The following ATP2C2 variants were observed in gnomAD, a reference collection of about 807,000 sequenced individuals.
ATP2C2 encodes calcium-transporting ATPase type 2C member 2.
In ATP2C2, 171 loss-of-function variants were observed where a neutral mutation model predicts 110.8. The observed-to-expected ratio is 1.54, with a 90% confidence interval of 1.36 to 1.75. ATP2C2 has a LOEUF of 1.75. ATP2C2 is among the 40% of genes most tolerant of loss of function. The pLI, the probability that ATP2C2 is intolerant of heterozygous loss-of-function variation, is 0.00. For missense variants in ATP2C2, 1,963 were observed against 1,235.0 expected (o/e 1.59, Z -8.84); for synonymous variants, 804 against 508.4 (o/e 1.58, Z -7.82).
At chr16:84,385,053 A>T (rs1904301616) in intron 1 of ATP2C2, among the ~76,000 whole-genome samples, 1 of 152,186 alleles carries the variant, frequency 6.6e-6, no homozygotes, top group Non-Finnish European at 1.5e-5. Context: ...TGTCTCAAAA[A>T]ACACACACAT....
intron 4 of ATP2C2, 72 bp from the exon 5 acceptor site, chr16:84,410,496 C>T (rs1405321947): frequency 4.0e-6 from 6 of 1,514,414 alleles, no homozygotes; most frequent in Non-Finnish European, 5.5e-6. Context: ...AGACAAGCCC[C>T]TAGCCTGCCA....
At chr16:84,374,904 A>G (rs1288779801) in intron 1 of ATP2C2, among the ~76,000 whole-genome samples, 1 of 152,200 alleles carries the variant, frequency 6.6e-6, no homozygotes, top group Non-Finnish European at 1.5e-5. Flanking sequence ...GAGAAAGGGA[A>G]TTAGCAGAAA....
intron 2 of ATP2C2, among the ~76,000 whole-genome samples, chr16:84,401,556 T>C (rs1379310553): frequency 6.6e-6 from 1 of 152,160 alleles, no homozygotes; most frequent in Non-Finnish European, 1.5e-5. Context: ...ATGGAGATTT[T>C]GTTTTCCTGG....
chr16:84,441,761 A>C (rs1284927719), intron 14 of ATP2C2, among the ~76,000 whole-genome samples: 3 of 152,190 alleles, frequency 2.0e-5, no homozygotes, highest in Non-Finnish European at 2.9e-5. Flanking sequence ...TCTCTACTAA[A>C]AAATATAAAA....
intron 1 of ATP2C2, among the ~76,000 whole-genome samples, chr16:84,371,823 C>G (rs983520132): frequency 1.3e-5 from 2 of 152,174 alleles, no homozygotes; most frequent in East Asian, 1.9e-4. Context: ...CCTAGATTCA[C>G]GGAGGGGGCT....
At chr16:84,458,690 G>C (rs1418157258) in intron 21 of ATP2C2, among the ~76,000 whole-genome samples, 3 of 152,214 alleles carry the variant, frequency 2.0e-5, no homozygotes, top group Non-Finnish European at 4.4e-5. Context: ...ATGTCCTTCA[G>C]CCTCCCCATC....
chr16:84,383,651 G>A (rs894931937), intron 1 of ATP2C2, among the ~76,000 whole-genome samples: 3 of 152,040 alleles, frequency 2.0e-5, no homozygotes, highest in Admixed American at 2.0e-4. Context: ...AGTACATTTC[G>A]ACACTGGCTG....
At chr16:84,460,944 G>A in intron 24 of ATP2C2, 143 bp downstream of exon 24, 1 of 1,224,118 alleles carries the variant, frequency 8.2e-7, no homozygotes, top group Non-Finnish European at 1.1e-6. Context: ...GCCATCAGAG[G>A]CGTGGGGTGC....
At chr16:84,370,158 C>G (rs527587160) in intron 1 of ATP2C2, among the ~76,000 whole-genome samples, 4 of 150,716 alleles carry the variant, frequency 2.7e-5, no homozygotes, top group Non-Finnish European at 4.4e-5. Flanking sequence ...ATGATGTAAC[C>G]TCAAGGGAGA....
chr16:84,444,162 CAAAA>C (rs71151217), intron 15 of ATP2C2, among the ~76,000 whole-genome samples: 1 of 104,562 alleles, frequency 9.6e-6, no homozygotes, highest in African/African-American at 3.9e-5. Context: ...GATCCTGCCT[CAAAA>C]AAAAAAAAAA....
chr16:84,370,175 G>C (rs150189464), intron 1 of ATP2C2, among the ~76,000 whole-genome samples: 1 of 152,296 alleles, frequency 6.6e-6, no homozygotes, highest in Non-Finnish European at 1.5e-5. Flanking sequence ...GAGATGCTGG[G>C]AGAGTTTGAT....
chr16:84,442,806 C>G (rs2150570958), intron 15 of ATP2C2, among the ~76,000 whole-genome samples: 1 of 152,262 alleles, frequency 6.6e-6, no homozygotes, highest in South Asian at 2.1e-4. Flanking sequence ...TTCTGCAGGT[C>G]TCTAATCCCT....
At position 84,439,301 on chromosome 16, in the gene ATP2C2, C is replaced by T; in HGVS notation, c.1111+11C>T. ...TCGTGGAGACTTTAGGTGAGGGACT[C>T]CAGCTGGTGGAATCCTTACACGTGG... On this transcript the variant is annotated intron_variant, in intron 12 of 26. Transcript: ENST00000262429. 5 of 1,613,236 alleles carry T rather than the reference C, an allele frequency of 3.1e-6. No homozygotes were observed. Among genetic ancestry groups the T allele is most frequent in the Non-Finnish European group, 3.4e-6 (4 of 1,180,022 alleles).
chr16:84,386,918 G>C lies in ATP2C2; in HGVS notation c.100-11581G>C, dbSNP rs559576651. Among the ~76,000 whole-genome samples, 16 of 133,104 alleles carry C rather than the reference G, an allele frequency of 1.2e-4. No individual in the cohort carries two copies. The East Asian group carries it at 2.9e-3, about 24-fold the overall frequency. 87.3% of individuals were successfully genotyped at this position (133,104 alleles called of 152,430 possible). A position where few individuals can be genotyped will look rare whatever the true frequency, so the allele number is the denominator to read the frequency against. On this transcript the variant is annotated intron_variant, in intron 1 of 26. Coordinates refer to ENST00000262429, the MANE Select transcript of ATP2C2 (RefSeq NM_014861.4). ...ATTTAGGGTTTTTGTTTGTTTGTTTGTTTGTTTTGGTCCCTAACATTAAAA... is the reference window on the plus strand; with the variant it reads ...ATTTAGGGTTTTTGTTTGTTTGTTTCTTTGTTTTGGTCCCTAACATTAAAA...
chr16:84,463,563 G>C (rs891258), intron 26 of ATP2C2, 51 bp from the exon 27 acceptor site: 2 of 1,510,514 alleles, frequency 1.3e-6, no homozygotes, highest in Non-Finnish European at 1.8e-6. Flanking sequence ...TCCTGCCGGC[G>C]CAACAGAGCT....
At position 84,459,297 on chromosome 16, in the gene ATP2C2, T is replaced by A. The variant is rs771752735; in HGVS notation, c.2244T>A (p.Thr748=). The part of the protein sequence containing the change: ...STSISALSLI[T]LSTVFNLPSP... Reference sequence around the variant, plus strand: ...GCATCTCCGCCCTGAGTCTCATCACTCTGTCCACCGTGTTCAACCTGCCCA... The same window carrying A: ...GCATCTCCGCCCTGAGTCTCATCACACTGTCCACCGTGTTCAACCTGCCCA... The change falls in exon 23 of 27, where the codon ACT becomes ACA. Residue 748 remains threonine (T), a synonymous_variant. Coordinates refer to ENST00000262429, the MANE Select transcript of ATP2C2 (RefSeq NM_014861.4). 12 of 1,614,162 alleles carry A rather than the reference T, an allele frequency of 7.4e-6. No homozygotes were observed. The highest frequency in any genetic ancestry group is 9.3e-6 in the Non-Finnish European group (11 of 1,180,026).
In ATP2C2 at chr16:84,383,735, C is replaced by CTGTGTGTGTGTGTGTG. The variant is rs143797673; in HGVS notation, c.100-14749_100-14748insGTGTGTGTGTGTGTGT. Among the ~76,000 whole-genome samples, 580 of 137,662 alleles carry CTGTGTGTGTGTGTGTG rather than the reference C, an allele frequency of 4.2e-3. 16 individuals carry two copies. The highest frequency in any genetic ancestry group is 5.9e-3 in the Non-Finnish European group (372 of 63,426). 90.3% of individuals were successfully genotyped at this position (137,662 alleles called of 152,430 possible). On this transcript the variant is annotated intron_variant, in intron 1 of 26. Coordinates refer to ENST00000262429, the MANE Select transcript of ATP2C2 (RefSeq NM_014861.4). ...GATGCTGTATTATTTCTGAATACATCTGTGTGTGTGTGTGTATGTGTGTGT... is the reference window on the plus strand; with the variant it reads ...GATGCTGTATTATTTCTGAATACATCTGTGTGTGTGTGTGTGTGTGTGTGTGTGTGTATGTGTGTGT...
intron 1 of ATP2C2, among the ~76,000 whole-genome samples, chr16:84,386,923 T>TTTC (rs1904346304): frequency 2.7e-5 from 2 of 73,388 alleles, no homozygotes; most frequent in African/African-American, 8.7e-5. Flanking sequence ...TGTTTGTTTG[T>TTTC]TTTGGTCCCT....
chr16:84,405,508 G>A (rs578181608), intron 3 of ATP2C2, among the ~76,000 whole-genome samples: 4 of 151,700 alleles, frequency 2.6e-5, no homozygotes, highest in East Asian at 1.9e-4. Flanking sequence ...GTAAGCATGC[G>A]CTTACTAATC....
Sources: allele counts gnomAD v4.1 joint callset (sites outside exome capture counted in the v4.1 genomes callset), GRCh38; gene constraint gnomAD v4.1.1; transcripts MANE v1.5; gene names NCBI Gene and HGNC (gene_info 2026-07-23, HGNC 2026-07-21).